The following SCLT1 variants were observed in gnomAD, a reference collection of about 807,000 sequenced individuals.
SCLT1 encodes the protein sodium channel and clathrin linker 1, also known as sodium channel-associated protein 1.
In SCLT1, 78 loss-of-function variants were observed where a neutral mutation model predicts 112.8. The ratio of observed to expected loss-of-function variants is 0.69; its 90% CI spans 0.58 to 0.83. The LOEUF (loss-of-function observed/expected upper bound fraction) is 0.83, where lower values mean the gene tolerates loss of function less well. SCLT1 is among the 40% of genes least tolerant of loss of function. SCLT1 has a pLI of 0.00. For synonymous variants in SCLT1, 257 were observed against 254.7 expected (o/e 1.01, Z -0.09); for missense variants, 747 against 770.4 (o/e 0.97, Z 0.36).
chr4:128,950,075 T>C (rs1269032267), intron 14 of SCLT1, among the ~76,000 whole-genome samples: 1 of 152,176 alleles, frequency 6.6e-6, no homozygotes, highest in Non-Finnish European at 1.5e-5. Context: ...TAATATCTTT[T>C]ATTAAGATAG....
chr4:129,029,409 C>T (rs2126140637), intron 5 of SCLT1, among the ~76,000 whole-genome samples: 1 of 151,960 alleles, frequency 6.6e-6, no homozygotes, highest in African/African-American at 2.4e-5. Context: ...CCATCATTCT[C>T]AGCAAACTGT....
intron 2 of SCLT1, among the ~76,000 whole-genome samples, chr4:129,074,261 T>G (rs867750784): frequency 6.6e-6 from 1 of 152,196 alleles, no homozygotes; most frequent in South Asian, 2.1e-4. Flanking sequence ...AAGGTAGTGA[T>G]AGAAAATATT....
intron 5 of SCLT1, among the ~76,000 whole-genome samples, chr4:129,036,216 A>AT (rs2126154168): frequency 6.6e-6 from 1 of 152,148 alleles, no homozygotes; most frequent in East Asian, 1.9e-4. Context: ...CTTAGAATCC[A>AT]TTTTTTTACA....
intron 4 of SCLT1, chr4:129,039,870 T>C (rs1166309819): frequency 3.8e-6 from 1 of 264,176 alleles, no homozygotes; most frequent in Non-Finnish European, 7.1e-6. Context: ...TCAGTAAGTG[T>C]GAATGAGCAA....
chr4:129,064,439 A>T (rs1198271411), intron 2 of SCLT1, among the ~76,000 whole-genome samples: 1 of 152,152 alleles, frequency 6.6e-6, no homozygotes, highest in Non-Finnish European at 1.5e-5. Flanking sequence ...ACCCTCAAAA[A>T]TTGTATAGAT....
chr4:128,979,287 C>T lies in SCLT1; in HGVS notation c.687-8819G>A, dbSNP rs139107032. ...CATATGTTGAAATCTCATATAAATA[C>T]AACCTTCATATAACTCTCAATGTAA... On this transcript the variant is annotated intron_variant, in intron 9 of 20. Coordinates refer to ENST00000281142, the MANE Select transcript of SCLT1 (RefSeq NM_144643.4). Among the ~76,000 whole-genome samples the T allele has an allele frequency of 1.6e-3, 247 of 152,206 alleles. 2 individuals carry two copies. Among genetic ancestry groups the T allele is most frequent in the East Asian group, 0.014 (71 of 5,178 alleles).
chr4:128,976,795 C>G (rs1741213096), intron 9 of SCLT1, among the ~76,000 whole-genome samples: 1 of 152,020 alleles, frequency 6.6e-6, no homozygotes, highest in African/African-American at 2.4e-5. Flanking sequence ...CAAGAAGAGA[C>G]AGAGAAAGCT....
intron 2 of SCLT1, among the ~76,000 whole-genome samples, chr4:129,050,575 G>A (rs996414059): frequency 1.3e-5 from 2 of 151,590 alleles, no homozygotes; most frequent in East Asian, 1.9e-4. Context: ...ATTTTTTGAT[G>A]GGGTCATTTT....
At chr4:128,938,930 C>G (rs1473690389) in intron 17 of SCLT1, among the ~76,000 whole-genome samples, 2 of 152,092 alleles carry the variant, frequency 1.3e-5, no homozygotes, top group African/African-American at 4.8e-5. Flanking sequence ...GGCAGTGAGC[C>G]AAGATCACGC....
At chr4:129,092,137 T>C (rs973201214) in intron 1 of SCLT1, among the ~76,000 whole-genome samples, 1 of 152,202 alleles carries the variant, frequency 6.6e-6, no homozygotes, top group Non-Finnish European at 1.5e-5. Flanking sequence ...AATTTGATCA[T>C]GCCACTCTCA....
At chr4:129,017,661 AAAT>A (rs1488872023) in intron 5 of SCLT1, among the ~76,000 whole-genome samples, 27 of 152,288 alleles carry the variant, frequency 1.8e-4, no homozygotes, top group African/African-American at 6.3e-4. Context: ...GTATTTATTA[AAAT>A]ACATAAGCAA....
Position 128,952,575 on chromosome 4 carries a change from T to C in SCLT1, c.1218+194A>G. 4 of 598,116 alleles carry C rather than the reference T, an allele frequency of 6.7e-6. No individual in the cohort carries two copies. The Admixed American group carries it at 1.1e-4, about 17-fold the overall frequency. 37.1% of individuals were successfully genotyped at this position (598,116 alleles called of 1,614,324 possible). A position where few individuals can be genotyped will look rare whatever the true frequency, so the allele number is the denominator to read the frequency against. ...TTACAGTAAAATGTGATAAATGCCA[T>C]CTATCTTTCCTGCTAGAACATAAGC... On this transcript the variant is annotated intron_variant, in intron 14 of 20. Coordinates refer to ENST00000281142, the MANE Select transcript of SCLT1 (RefSeq NM_144643.4).
chr4:129,008,144 T>C (rs190820960), intron 5 of SCLT1, among the ~76,000 whole-genome samples: 1 of 152,300 alleles, frequency 6.6e-6, no homozygotes, highest in East Asian at 1.9e-4. Context: ...TTCTCCCATA[T>C]TTACCCCTTC....
At chr4:129,024,799 G>GA (rs1403684536) in intron 5 of SCLT1, among the ~76,000 whole-genome samples, 16 of 152,020 alleles carry the variant, frequency 1.1e-4, no homozygotes, top group African/African-American at 3.6e-4. Flanking sequence ...TAAAAACTTT[G>GA]AAAAAAATTT....
intron 2 of SCLT1, among the ~76,000 whole-genome samples, chr4:129,067,739 T>A (rs1750615515): frequency 6.6e-6 from 1 of 152,078 alleles, no homozygotes; most frequent in African/African-American, 2.4e-5. Flanking sequence ...CTTAAACTCC[T>A]GACCTCAAGC....
intron 11 of SCLT1, among the ~76,000 whole-genome samples, chr4:128,960,448 C>T (rs887817249): frequency 6.6e-6 from 1 of 152,114 alleles, no homozygotes; most frequent in African/African-American, 2.4e-5. Context: ...AGGCTCCTTC[C>T]TTTCCTAGTC....
Position 129,049,646 on chromosome 4 carries a change from G to A in SCLT1, c.103-5595C>T, listed in dbSNP as rs537130900. Among the ~76,000 whole-genome samples the A allele has an allele frequency of 1.7e-4, 26 of 150,146 alleles. No homozygotes were observed. The East Asian group carries it at 3.3e-3, about 19-fold the overall frequency. On this transcript the variant is annotated intron_variant, in intron 2 of 20. Transcript: ENST00000281142. ...AAGTATAAAAAAAAAAAAAAGAGAC[G>A]GGGTGATTTATTTTTGGCATATGGA... is the stretch of plus-strand genomic sequence containing the variant.
chr4:129,026,321 G>A (rs1046117490), intron 5 of SCLT1, among the ~76,000 whole-genome samples: 12 of 152,156 alleles, frequency 7.9e-5, no homozygotes, highest in African/African-American at 2.9e-4. Context: ...CTCAGCAAAT[G>A]TAAAAGAACG....
intron 18 of SCLT1, among the ~76,000 whole-genome samples, chr4:128,931,917 T>C (rs1012993116): frequency 6.6e-6 from 1 of 151,628 alleles, no homozygotes; most frequent in Non-Finnish European, 1.5e-5. Flanking sequence ...GATAATTATA[T>C]TTATTCCTAA....
Sources: gnomAD v4.1 joint callset for allele counts (sites outside exome capture counted in the v4.1 genomes callset) on GRCh38, gnomAD v4.1.1 for gene constraint, MANE v1.5 for transcripts, NCBI Gene and HGNC (gene_info 2026-07-23, HGNC 2026-07-21) for gene names.